Variants in PDE2A observed in about 807,000 individuals in gnomAD.
The protein encoded by PDE2A is phosphodiesterase 2A, also known as cGMP-dependent 3',5'-cyclic phosphodiesterase.
In PDE2A, 53 loss-of-function variants were observed where a neutral mutation model predicts 133.6. That is an observed-to-expected ratio of 0.40 (90% CI 0.32 to 0.50). The LOEUF (loss-of-function observed/expected upper bound fraction) is 0.50. Ranked by LOEUF, PDE2A falls within the 20% of genes least tolerant of loss-of-function variation. The pLI, the probability that PDE2A is intolerant of heterozygous loss-of-function variation, is 0.73. For missense variants in PDE2A, 796 were observed against 1,232.4 expected (o/e 0.65, Z 5.30); for synonymous variants, 491 against 490.2 (o/e 1.00, Z -0.02).
intron 1 of PDE2A, among the ~76,000 whole-genome samples, chr11:72,672,329 G>A (rs1014234762): frequency 1.6e-4 from 24 of 152,044 alleles, no homozygotes; most frequent in African/African-American, 5.8e-4. Flanking sequence ...GACTACAGGC[G>A]TGTGCCACCA....
At chr11:72,636,106 GC>G in intron 2 of PDE2A, 5 of 1,232,236 alleles carry the variant, frequency 4.1e-6, no homozygotes, top group South Asian at 1.4e-5. Context: ...CAGAATGCCT[GC>G]CCCCTGAAGC....
chr11:72,631,722 G>T (rs950263020), intron 2 of PDE2A, among the ~76,000 whole-genome samples: 3 of 151,928 alleles, frequency 2.0e-5, no homozygotes, highest in African/African-American at 4.8e-5. Flanking sequence ...CACAGTTCCC[G>T]GAATGCTAGC....
At chr11:72,599,925 G>T (rs1459754861) in intron 4 of PDE2A, among the ~76,000 whole-genome samples, 1 of 152,236 alleles carries the variant, frequency 6.6e-6, no homozygotes, top group Non-Finnish European at 1.5e-5. Flanking sequence ...GGGTGTGATG[G>T]AGTCAGAGAA....
chr11:72,596,709 C>A (rs912865148), intron 5 of PDE2A, 61 bp from the exon 6 acceptor site: 15 of 1,144,844 alleles, frequency 1.3e-5, no homozygotes, highest in Non-Finnish European at 1.8e-5. Flanking sequence ...AGATACCGAG[C>A]CGGGACCCAG....
At chr11:72,670,280 G>A (rs982560508) in intron 1 of PDE2A, among the ~76,000 whole-genome samples, 2 of 152,256 alleles carry the variant, frequency 1.3e-5, no homozygotes, top group African/African-American at 2.4e-5. Context: ...TTCCATCCAC[G>A]TGGTCACTGG....
At chr11:72,641,468 CAGG>C (rs1220280937) in intron 2 of PDE2A, among the ~76,000 whole-genome samples, 1 of 152,204 alleles carries the variant, frequency 6.6e-6, no homozygotes, top group East Asian at 1.9e-4. Context: ...CCTAGAGAAA[CAGG>C]AGAGAGACCA....
chr11:72,598,642 A>C, intron 4 of PDE2A: 2 of 1,289,080 alleles, frequency 1.6e-6, no homozygotes, highest in Non-Finnish European at 2.0e-6. Flanking sequence ...AACTGTGTGC[A>C]TACAGGGTCA....
intron 1 of PDE2A, among the ~76,000 whole-genome samples, chr11:72,645,905 C>G (rs1466198913): frequency 6.6e-6 from 1 of 152,266 alleles, no homozygotes; most frequent in Non-Finnish European, 1.5e-5. Context: ...AAACTGCCCA[C>G]AGTCACATAG....
intron 1 of PDE2A, among the ~76,000 whole-genome samples, chr11:72,657,246 G>T (rs1436063090): frequency 6.6e-6 from 1 of 152,188 alleles, no homozygotes; most frequent in African/African-American, 2.4e-5. Context: ...CGGGGTGAGG[G>T]CTGAGCCTGG....
rs1487220633 is a variant in PDE2A at position 72,577,159 on chromosome 11, C to A, written c.*225G>T. The A allele has an allele frequency of 8.8e-6, 5 of 565,340 alleles. No homozygotes were observed. Among genetic ancestry groups the A allele is most frequent in the South Asian group, 2.3e-5 (1 of 42,566 alleles). 35.0% of individuals were successfully genotyped at this position (565,340 alleles called of 1,614,324 possible). On this transcript the variant is annotated 3_prime_UTR_variant, in exon 31 of 31. Transcript: ENST00000334456. The stretch of plus-strand genomic sequence containing the variant: ...TAGGGCCCACTGCTCATTGGTCACC[C>A]CTGTGCTCTCAGAAAACAAATTACA...
intron 2 of PDE2A, among the ~76,000 whole-genome samples, chr11:72,624,875 C>G (rs1016406795): frequency 6.6e-6 from 1 of 152,220 alleles, no homozygotes; most frequent in Non-Finnish European, 1.5e-5. Flanking sequence ...TGGTCACGTA[C>G]TTGATATTAC....
intron 2 of PDE2A, among the ~76,000 whole-genome samples, chr11:72,625,318 G>C (rs752446224): frequency 6.6e-6 from 1 of 152,206 alleles, no homozygotes; most frequent in East Asian, 1.9e-4. Context: ...TCCGGGCCTC[G>C]CCCCAGCCCC....
At chr11:72,662,506 A>G (rs558021462) in intron 1 of PDE2A, among the ~76,000 whole-genome samples, 6 of 152,294 alleles carry the variant, frequency 3.9e-5, no homozygotes, top group African/African-American at 1.4e-4. Flanking sequence ...GAGATATGCA[A>G]CGGTGACACA....
At chr11:72,619,521 G>A (rs1857643065) in intron 2 of PDE2A, among the ~76,000 whole-genome samples, 1 of 152,214 alleles carries the variant, frequency 6.6e-6, no homozygotes, top group Non-Finnish European at 1.5e-5. Flanking sequence ...GTGTAAACAT[G>A]TGTGAGTACC....
chr11:72,598,526 G>A (rs1232506647), intron 4 of PDE2A: 2 of 1,289,156 alleles, frequency 1.6e-6, no homozygotes, highest in Non-Finnish European at 2.0e-6. Context: ...TGCACCAAAT[G>A]TCACTCCTTG....
chr11:72,665,507 C>T (rs536751114), intron 1 of PDE2A, among the ~76,000 whole-genome samples: 1 of 152,138 alleles, frequency 6.6e-6, no homozygotes, highest in South Asian at 2.1e-4. Context: ...TCTAACCTTG[C>T]ACCTTCCACT....
chr11:72,585,262 G>T, intron 16 of PDE2A, 109 bp downstream of exon 16: 1 of 902,890 alleles, frequency 1.1e-6, no homozygotes, highest in Non-Finnish European at 1.8e-6. Flanking sequence ...AAAAGGTGAT[G>T]AAGTCCCGCA....
In PDE2A at chr11:72,639,544, C is replaced by T. The variant is rs570652762; in HGVS notation, c.144+2710G>A. 9.2e-5 allele frequency among the ~76,000 whole-genome samples: 14 copies of T among 152,304 alleles called. No homozygotes were observed. The South Asian group carries it at 2.1e-3, about 23-fold the overall frequency. On this transcript the variant is annotated intron_variant, in intron 2 of 30. Transcript: ENST00000334456. ...GACACCACCCAGGCCTCACTGCCTG[C>T]GCCGTATGCCTCCCCTCTGCGGAGC... is the stretch of plus-strand genomic sequence containing the variant.
chr11:72,588,053 C>T (rs1035290058), intron 13 of PDE2A: 3 of 152,346 alleles, frequency 2.0e-5, no homozygotes, highest in Non-Finnish European at 4.4e-5. Flanking sequence ...GTCTACTTCT[C>T]CCCACCTATG....
Sources: allele counts gnomAD v4.1 joint callset (sites outside exome capture counted in the v4.1 genomes callset), GRCh38; gene constraint gnomAD v4.1.1; transcripts MANE v1.5; gene names NCBI Gene and HGNC (gene_info 2026-07-23, HGNC 2026-07-21).